The following ST7L variants were observed in gnomAD, a reference collection of about 807,000 sequenced individuals.
ST7L encodes the protein suppressor of tumorigenicity 7 protein-like.
In ST7L, 57 loss-of-function variants were observed where a neutral mutation model predicts 72.5. The ratio of observed to expected loss-of-function variants is 0.79; its 90% CI spans 0.64 to 0.98. The LOEUF is 0.98. Ranked by LOEUF, ST7L falls within the 50% of genes least tolerant of loss-of-function variation. The pLI is 0.00. For missense variants in ST7L, 576 were observed against 672.2 expected (o/e 0.86, Z 1.58); for synonymous variants, 221 against 240.9 (o/e 0.92, Z 0.77).
chr1:112,526,340 C>G, intron 14 of ST7L: 1 of 453,138 alleles, frequency 2.2e-6, no homozygotes, highest in South Asian at 5.4e-5. Context: ...CTCCTTTTTT[C>G]CCCTTCAGAT....
chr1:112,524,627 C>A lies in ST7L; in HGVS notation c.*1386G>T, dbSNP rs780581632. The A allele has an allele frequency of 2.0e-5, 3 of 152,602 alleles. No homozygotes were observed. The highest frequency in any genetic ancestry group is 2.9e-5 in the Non-Finnish European group (2 of 68,058). 9.5% of individuals were successfully genotyped at this position (152,602 alleles called of 1,614,324 possible). On this transcript the variant is annotated 3_prime_UTR_variant, in exon 15 of 15. Transcript: ENST00000358039. ...CCTTGGTGGAGGCCTCTGCCCCGAC[C>A]CTCCACTTGGGAACTGCCTGCTACT...
rs548225358 is a variant in ST7L at position 112,560,324 on chromosome 1, G to A, written c.1246-4306C>T. ...CAGGAGAATGGCGTGAGCCCGGGAG[G>A]CGGAGTTTGCAGTGAGCCAAGATCG... On this transcript the variant is annotated intron_variant, in intron 11 of 14. Coordinates refer to ENST00000358039, the MANE Select transcript of ST7L (RefSeq NM_017744.5). 3.3e-5 allele frequency among the ~76,000 whole-genome samples: 5 copies of A among 152,146 alleles called. No homozygotes were observed. In the East Asian group the frequency reaches 9.7e-4, roughly 30 times the overall value.
chr1:112,554,124 C>G (rs6537744), intron 12 of ST7L, among the ~76,000 whole-genome samples: 36,066 of 152,058 alleles, frequency 0.24, 4,435 homozygotes, highest in Middle Eastern at 0.27. Context: ...GGAACTGAGG[C>G]GGGTTAACCA....
intron 6 of ST7L, 123 bp downstream of exon 6, chr1:112,591,402 T>C: frequency 1.3e-6 from 1 of 758,018 alleles, no homozygotes; most frequent in African/African-American, 1.8e-5. Flanking sequence ...TAAATATCTA[T>C]AACATGCAAA....
chr1:112,561,537 A>G (rs1310345189), intron 11 of ST7L, among the ~76,000 whole-genome samples: 4 of 151,776 alleles, frequency 2.6e-5, no homozygotes, highest in Admixed American at 2.0e-4. Context: ...CTGGAGTGCA[A>G]TGGCGTGATC....
chr1:112,607,099 T>G (rs1668364946), intron 3 of ST7L: 1 of 152,234 alleles, frequency 6.6e-6, no homozygotes, highest in Non-Finnish European at 1.5e-5. Flanking sequence ...AAAGGCTCTT[T>G]GAGGTCCTGG....
chr1:112,579,058 C>T (rs1485832243), intron 9 of ST7L, among the ~76,000 whole-genome samples: 1 of 152,050 alleles, frequency 6.6e-6, no homozygotes, highest in Non-Finnish European at 1.5e-5. Flanking sequence ...GCCGTCTGCA[C>T]AACGGTGAAA....
Position 112,543,794 on chromosome 1 carries a change from G to A in ST7L, c.1490-1704C>T, listed in dbSNP as rs1656594623. ...TGAGGCAGGAGGATCGCTAGAACCT[G>A]AGAGGCAGAGGTTGCAGTGAGCCAA... On this transcript the variant is annotated intron_variant, in intron 13 of 14. Transcript: ENST00000358039. Among the ~76,000 whole-genome samples the A allele has an allele frequency of 2.7e-5, 4 of 146,734 alleles. No homozygotes were observed. The South Asian group carries it at 8.7e-4, about 32-fold the overall frequency.
intron 3 of ST7L, chr1:112,610,548 C>A: frequency 3.3e-6 from 1 of 306,778 alleles, no homozygotes; most frequent in Non-Finnish European, 5.9e-6. Context: ...TGGTGAGGGT[C>A]TGCTTTCTGG....
downstream of ST7L, chr1:112,521,641 C>T (rs1284891198): frequency 6.6e-6 from 1 of 152,194 alleles, no homozygotes; most frequent in Non-Finnish European, 1.5e-5. Flanking sequence ...ACTTACTCAA[C>T]AAATCTTTAT....
intron 11 of ST7L, among the ~76,000 whole-genome samples, chr1:112,575,384 T>C (rs1662942718): frequency 6.6e-6 from 1 of 152,224 alleles, no homozygotes. Flanking sequence ...TAGAATTTAA[T>C]TTATAATTTA....
chr1:112,603,521 G>T (rs1040940843), intron 3 of ST7L, among the ~76,000 whole-genome samples: 1 of 152,188 alleles, frequency 6.6e-6, no homozygotes, highest in East Asian at 1.9e-4. Context: ...ACATCTGTGT[G>T]ATGCCAGGTT....
At chr1:112,573,675 C>G (rs1662541890) in intron 11 of ST7L, among the ~76,000 whole-genome samples, 1 of 151,946 alleles carries the variant, frequency 6.6e-6, no homozygotes, top group African/African-American at 2.4e-5. Context: ...AGAAATAATT[C>G]TAATTTTATA....
intron 6 of ST7L, among the ~76,000 whole-genome samples, chr1:112,587,364 G>A (rs1054217787): frequency 2.0e-5 from 3 of 152,194 alleles, no homozygotes; most frequent in African/African-American, 7.2e-5. Context: ...CACTTTGGGA[G>A]GCTGAGGTGG....
At chr1:112,617,541 G>GT (rs1670061527) in intron 1 of ST7L, among the ~76,000 whole-genome samples, 1 of 152,108 alleles carries the variant, frequency 6.6e-6, no homozygotes, top group Non-Finnish European at 1.5e-5. Context: ...AATAGACCCA[G>GT]TCTCTACGCA....
intron 12 of ST7L, among the ~76,000 whole-genome samples, chr1:112,555,232 C>T (rs1382203657): frequency 6.9e-6 from 1 of 145,204 alleles, no homozygotes; most frequent in Non-Finnish European, 1.5e-5. Context: ...ACAAAAAGAC[C>T]AATTTTTAAA....
intron 11 of ST7L, among the ~76,000 whole-genome samples, chr1:112,562,575 T>C (rs1168470888): frequency 6.6e-6 from 1 of 152,016 alleles, no homozygotes; most frequent in Non-Finnish European, 1.5e-5. Flanking sequence ...TCTTAAAGAA[T>C]GAGTAGAAAT....
At chr1:112,540,765 A>G (rs2101372736) in intron 14 of ST7L, 1 of 1,269,806 alleles carries the variant, frequency 7.9e-7, no homozygotes, top group Non-Finnish European at 1.0e-6. Context: ...AGAAAAATAC[A>G]GAAAATACAT....
chr1:112,577,530 CAA>C (rs527682647), intron 10 of ST7L, among the ~76,000 whole-genome samples: 7 of 24,114 alleles, frequency 2.9e-4, no homozygotes, highest in African/African-American at 9.3e-4. Flanking sequence ...AACTCTGTCT[CAA>C]AAAAAAAAAA....
Sources: gnomAD v4.1 joint callset for allele counts (sites outside exome capture counted in the v4.1 genomes callset) on GRCh38, gnomAD v4.1.1 for gene constraint, MANE v1.5 for transcripts, NCBI Gene and HGNC (gene_info 2026-07-23, HGNC 2026-07-21) for gene names.